Variants in AFG1L observed in about 807,000 individuals in gnomAD.
AFG1L encodes the protein AFG1-like ATPase.
Under a neutral mutation model 62.2 loss-of-function variants are expected in AFG1L, and 53 were observed. The observed-to-expected ratio is 0.85, with a 90% CI of 0.68 to 1.07. AFG1L has a LOEUF of 1.07. Among genes scored for constraint, AFG1L ranks in the 50% least tolerant of loss-of-function variants. AFG1L has a pLI of 0.00. For missense variants in AFG1L, 555 were observed against 590.5 expected (o/e 0.94, Z 0.62); for synonymous variants, 228 against 210.3 (o/e 1.08, Z -0.73).
At chr6:108,509,896 C>T (rs1488526710) in intron 10 of AFG1L, among the ~76,000 whole-genome samples, 1 of 152,170 alleles carries the variant, frequency 6.6e-6, no homozygotes, top group Non-Finnish European at 1.5e-5. Context: ...GATTTAGTGT[C>T]TCATCTTTTG....
At chr6:108,428,634 A>C (rs1307927287) in intron 7 of AFG1L, among the ~76,000 whole-genome samples, 1 of 152,314 alleles carries the variant, frequency 6.6e-6, no homozygotes, top group East Asian at 1.9e-4. Flanking sequence ...CTTTTTAGTA[A>C]TGGCCATTCT....
At chr6:108,505,560 G>C (rs376207894) in intron 10 of AFG1L, among the ~76,000 whole-genome samples, 6 of 152,116 alleles carry the variant, frequency 3.9e-5, no homozygotes, top group African/African-American at 1.4e-4. Context: ...TAAACAGCTA[G>C]ACTTACATAT....
At chr6:108,495,584 G>C (rs1263093489) in intron 10 of AFG1L, among the ~76,000 whole-genome samples, 1 of 152,106 alleles carries the variant, frequency 6.6e-6, no homozygotes. Flanking sequence ...CTGGCACCAG[G>C]GTCGATACCA....
intron 8 of AFG1L, among the ~76,000 whole-genome samples, chr6:108,455,327 T>C (rs1340782690): frequency 6.6e-6 from 1 of 152,116 alleles, no homozygotes; most frequent in Non-Finnish European, 1.5e-5. Flanking sequence ...TCTCTTCACA[T>C]GTGTTTATGT....
chr6:108,466,449 T>G (rs1772667812), intron 8 of AFG1L, among the ~76,000 whole-genome samples: 1 of 152,162 alleles, frequency 6.6e-6, no homozygotes. Context: ...TTGAAGCCCT[T>G]ACCCCAGTGG....
intron 2 of AFG1L, among the ~76,000 whole-genome samples, chr6:108,335,790 C>T (rs1778454184): frequency 6.6e-6 from 1 of 152,192 alleles, no homozygotes; most frequent in South Asian, 2.1e-4. Context: ...AGCCCGCTGT[C>T]ATTTGTCTCC....
At chr6:108,346,113 T>A (rs1275447638) in intron 2 of AFG1L, among the ~76,000 whole-genome samples, 1 of 152,358 alleles carries the variant, frequency 6.6e-6, no homozygotes, top group East Asian at 1.9e-4. Flanking sequence ...GCCTCCTGTG[T>A]TGAATCCTAA....
chr6:108,305,807 C>T (rs1777179841), intron 1 of AFG1L, among the ~76,000 whole-genome samples: 1 of 152,176 alleles, frequency 6.6e-6, no homozygotes, highest in African/African-American at 2.4e-5. Flanking sequence ...GGTAAACTAT[C>T]TTCATTTAGT....
At position 108,411,568 on chromosome 6, in the gene AFG1L, A is replaced by G. The variant is rs1393707030; in HGVS notation, c.807+9514A>G. 2.0e-5 allele frequency among the ~76,000 whole-genome samples: 3 copies of G among 152,210 alleles called. No homozygotes were observed. In the East Asian group the frequency reaches 5.8e-4, roughly 29 times the overall value. ...CCTCTGAGACGAAGCTTCCAGAGGA[A>G]GGATCAGGCAGCAACATTTTCCGTT... On this transcript the variant is annotated intron_variant, in intron 7 of 12. Transcript: ENST00000368977.
chr6:108,403,974 A>G (rs1781742579), intron 7 of AFG1L, among the ~76,000 whole-genome samples: 1 of 152,162 alleles, frequency 6.6e-6, no homozygotes, highest in African/African-American at 2.4e-5. Flanking sequence ...GAAACTAAAT[A>G]CCAGATTAGA....
Position 108,461,956 on chromosome 6 carries a change from G to A in AFG1L, c.890+14660G>A, listed in dbSNP as rs1470172739. Reference sequence around the variant, plus strand: ...AAAAGTACAGAAAAATTAGCCAGATGTGGTGGCAGGAGCCTGTAGTCCCAG... The same window carrying A: ...AAAAGTACAGAAAAATTAGCCAGATATGGTGGCAGGAGCCTGTAGTCCCAG... On this transcript the variant is annotated intron_variant, in intron 8 of 12. Transcript: ENST00000368977. 3.3e-5 allele frequency among the ~76,000 whole-genome samples: 5 copies of A among 152,090 alleles called. No individual in the cohort carries two copies. The South Asian group carries it at 8.3e-4, about 25-fold the overall frequency.
chr6:108,368,134 A>AT (rs1779835990), intron 6 of AFG1L, among the ~76,000 whole-genome samples: 1 of 151,348 alleles, frequency 6.6e-6, no homozygotes, highest in South Asian at 2.1e-4. Context: ...CATTTTATTG[A>AT]TTTTTATTGA....
Position 108,295,058 on chromosome 6 carries a change from C to T in AFG1L, c.-22C>T, listed in dbSNP as rs1311057300. ...GGGTTCCAATAAAGTTTTCCTCTTC[C>T]TCTCCTCGTACGGAGTTCAAGATGG... On this transcript the variant is annotated 5_prime_UTR_variant, in exon 1 of 13. Coordinates refer to ENST00000368977, the MANE Select transcript of AFG1L (RefSeq NM_145315.5). 3 of 1,609,202 alleles carry T rather than the reference C, an allele frequency of 1.9e-6. No individual in the cohort carries two copies. Among genetic ancestry groups the T allele is most frequent in the Non-Finnish European group, 1.7e-6 (2 of 1,179,930 alleles).
At chr6:108,395,107 T>A (rs543959269) in intron 6 of AFG1L, among the ~76,000 whole-genome samples, 1 of 152,322 alleles carries the variant, frequency 6.6e-6, no homozygotes, top group East Asian at 1.9e-4. Flanking sequence ...TTTTTAAATA[T>A]AACCAAATTG....
intron 7 of AFG1L, among the ~76,000 whole-genome samples, chr6:108,437,902 C>T (rs1455046658): frequency 6.6e-6 from 1 of 152,100 alleles, no homozygotes; most frequent in East Asian, 1.9e-4. Context: ...GCAAGATTGT[C>T]CTGGTCAAAT....
intron 2 of AFG1L, among the ~76,000 whole-genome samples, chr6:108,341,137 A>G (rs1778665782): frequency 6.6e-6 from 1 of 152,122 alleles, no homozygotes; most frequent in Non-Finnish European, 1.5e-5. Flanking sequence ...ATATTTTAGT[A>G]TGAGATTTTT....
intron 2 of AFG1L, among the ~76,000 whole-genome samples, chr6:108,330,189 T>TA (rs1554270746): frequency 5.0e-4 from 74 of 149,384 alleles, no homozygotes; most frequent in Admixed American, 7.4e-4. Context: ...TTTATTTTTT[T>TA]TTTTTTTTTG....
intron 11 of AFG1L, among the ~76,000 whole-genome samples, chr6:108,516,549 T>C (rs1241270507): frequency 6.6e-6 from 1 of 152,234 alleles, no homozygotes; most frequent in Non-Finnish European, 1.5e-5. Context: ...AATATCATAC[T>C]GAATGGGCAA....
In AFG1L at chr6:108,476,886, G is replaced by A. The variant is rs1347882578; in HGVS notation, c.912G>A (p.Glu304=). ...GTAGCACAAGTGAAGCTGATGTGGA[G>A]GCTGTCATGGATAAGTTGTTTGATG... ...LYYLTSEADV[E]AVMDKLFDEL... The change falls in exon 9 of 13, where the codon GAG becomes GAA. Residue 304 remains glutamate (E), a synonymous_variant. Coordinates refer to ENST00000368977, the MANE Select transcript of AFG1L (RefSeq NM_145315.5). The A allele has an allele frequency of 6.2e-7, 1 of 1,613,780 alleles. No homozygotes were observed. The highest frequency in any genetic ancestry group is 1.1e-5 in the South Asian group (1 of 91,074).
Sources: gnomAD v4.1 joint callset for allele counts (sites outside exome capture counted in the v4.1 genomes callset) on GRCh38, gnomAD v4.1.1 for gene constraint, MANE v1.5 for transcripts, NCBI Gene and HGNC (gene_info 2026-07-23, HGNC 2026-07-21) for gene names.